The following DTD1 variants were observed in gnomAD, a reference collection of about 807,000 sequenced individuals.
DTD1 encodes D-tyrosyl-tRNA deacylase 1 homolog.
Under a neutral mutation model 25.6 loss-of-function variants are expected in DTD1, and 13 were observed. The observed-to-expected ratio is 0.51, with a 90% confidence interval of 0.33 to 0.81. The LOEUF (loss-of-function observed/expected upper bound fraction) is 0.81, where lower values mean the gene tolerates loss of function less well. DTD1 is among the 30% of genes least tolerant of loss of function. DTD1 has a pLI of 0.02. For missense variants in DTD1, 193 were observed against 266.4 expected (o/e 0.72, Z 1.92); for synonymous variants, 110 against 103.6 (o/e 1.06, Z -0.37).
At chr20:18,680,269 C>T (rs1426198499) in intron 4 of DTD1, among the ~76,000 whole-genome samples, 1 of 151,946 alleles carries the variant, frequency 6.6e-6, no homozygotes. Context: ...ACTACATCCT[C>T]GACCTCTCAG....
Position 18,593,939 on chromosome 20 carries a change from C to T in DTD1, c.134+118C>T, listed in dbSNP as rs572892016. Reference sequence around the variant, plus strand: ...CCCCTGTCACTTTTAACCATTGTCCCATTGGATGTAGTATGGTTATCTCCG... The same window carrying T: ...CCCCTGTCACTTTTAACCATTGTCCTATTGGATGTAGTATGGTTATCTCCG... On this transcript the variant is annotated intron_variant, in intron 2 of 5. Coordinates refer to ENST00000377452, the MANE Select transcript of DTD1 (RefSeq NM_080820.6). The T allele has an allele frequency of 1.0e-3, 760 of 754,696 alleles. 3 individuals carry two copies. The highest frequency in any genetic ancestry group is 1.3e-3 in the Middle Eastern group (4 of 3,196). 46.7% of individuals were successfully genotyped at this position (754,696 alleles called of 1,614,324 possible). A position where few individuals can be genotyped will look rare whatever the true frequency, so the allele number is the denominator to read the frequency against.
chr20:18,740,571 A>C (rs960749603), intron 4 of DTD1, among the ~76,000 whole-genome samples: 1 of 152,220 alleles, frequency 6.6e-6, no homozygotes, highest in Non-Finnish European at 1.5e-5. Context: ...CACCAATTTC[A>C]AGATATTTGG....
In DTD1 at chr20:18,744,208, A is replaced by G. The variant is rs1171346268; in HGVS notation, c.586A>G (p.Ser196Gly). The G allele has an allele frequency of 1.2e-6, 2 of 1,612,196 alleles. No individual in the cohort carries two copies. The highest frequency in any genetic ancestry group is 1.3e-5 in the African/African-American group (1 of 74,886). ...TCCCCGAAAAGAAGACCGCAGTGCCAGCAGCGGGGCTGAGGGCGACGTGTC... is the reference window on the plus strand; with the variant it reads ...TCCCCGAAAAGAAGACCGCAGTGCCGGCAGCGGGGCTGAGGGCGACGTGTC... ...NTPRKEDRSA[S>G]SGAEGDVSSE... The change falls in exon 5 of 6, where the codon AGC (serine) becomes GGC (glycine). Residue 196 changes from serine to glycine, a missense_variant. Transcript: ENST00000377452.
At chr20:18,708,314 T>TA (rs1467966145) in intron 4 of DTD1, among the ~76,000 whole-genome samples, 1 of 46,826 alleles carries the variant, frequency 2.1e-5, no homozygotes, top group Non-Finnish European at 4.5e-5. Context: ...ATATTTTATA[T>TA]ATATATTATA....
At chr20:18,632,351 C>T in intron 4 of DTD1, 1 of 985,388 alleles carries the variant, frequency 1.0e-6, no homozygotes, top group South Asian at 4.7e-5. Context: ...AGCCTCAGAC[C>T]CTGAACATTG....
chr20:18,719,787 T>C lies in DTD1; in HGVS notation c.478-24313T>C, dbSNP rs375561920. ...ACTTAAGACACTTACTTTTATGTAA[T>C]TCTGTGGCAAGGCATTTTTAATCAT... On this transcript the variant is annotated intron_variant, in intron 4 of 5. Coordinates refer to ENST00000377452, the MANE Select transcript of DTD1 (RefSeq NM_080820.6). 2.6e-5 allele frequency among the ~76,000 whole-genome samples: 4 copies of C among 152,242 alleles called. No individual in the cohort carries two copies. The East Asian group carries it at 7.7e-4, about 29-fold the overall frequency.
intron 4 of DTD1, among the ~76,000 whole-genome samples, chr20:18,695,917 A>G (rs894921371): frequency 6.6e-6 from 1 of 152,018 alleles, no homozygotes; most frequent in African/African-American, 2.4e-5. Context: ...GGCTCAAGAA[A>G]TTCACCTGCC....
At chr20:18,621,774 A>C (rs2060735124) in intron 3 of DTD1, among the ~76,000 whole-genome samples, 1 of 152,086 alleles carries the variant, frequency 6.6e-6, no homozygotes, top group African/African-American at 2.4e-5. Context: ...TTTTTAAAAA[A>C]ATTTTTTTGG....
intron 4 of DTD1, among the ~76,000 whole-genome samples, chr20:18,640,929 C>T (rs969818583): frequency 2.0e-5 from 3 of 152,182 alleles, no homozygotes; most frequent in Admixed American, 2.0e-4. Flanking sequence ...CTGCTCCCAG[C>T]CTATCTACAG....
intron 1 of DTD1, among the ~76,000 whole-genome samples, chr20:18,590,392 T>C (rs913735123): frequency 1.4e-5 from 2 of 142,522 alleles, no homozygotes; most frequent in Non-Finnish European, 3.2e-5. Context: ...ATTTATGTGA[T>C]TGGTCAAACA....
At chr20:18,708,242 ATAATATATATTAT>A (rs1225805590) in intron 4 of DTD1, among the ~76,000 whole-genome samples, 2 of 31,718 alleles carry the variant, frequency 6.3e-5, no homozygotes, top group Non-Finnish European at 9.5e-5. Context: ...TTATATATAT[ATAATATATATTAT>A]ATATATATTT....
chr20:18,761,492 A>G (rs1278620185), intron 5 of DTD1, among the ~76,000 whole-genome samples: 1 of 152,150 alleles, frequency 6.6e-6, no homozygotes, highest in East Asian at 1.9e-4. Context: ...CCTGTTTTTT[A>G]TCTTTTAACA....
At chr20:18,625,255 G>T (rs2060752524) in intron 3 of DTD1, among the ~76,000 whole-genome samples, 1 of 152,206 alleles carries the variant, frequency 6.6e-6, no homozygotes, top group Admixed American at 6.5e-5. Context: ...CCCTCAAACT[G>T]TGAGAAAATC....
At chr20:18,699,903 T>A (rs750559309) in intron 4 of DTD1, among the ~76,000 whole-genome samples, 5 of 152,242 alleles carry the variant, frequency 3.3e-5, no homozygotes, top group Non-Finnish European at 5.9e-5. Context: ...GTGTTAATGT[T>A]AATGATCTCA....
rs893393177 is a variant in DTD1, at chr20:18,726,900, C to G, written c.478-17200C>G. Reference sequence around the variant, plus strand: ...GGGCCAGAAAGGACTCTCCTTGGAGCTGACTTTATCTTTCCCAGAGAAGGG... The same window carrying G: ...GGGCCAGAAAGGACTCTCCTTGGAGGTGACTTTATCTTTCCCAGAGAAGGG... On this transcript the variant is annotated intron_variant, in intron 4 of 5. Transcript: ENST00000377452. Among the ~76,000 whole-genome samples the G allele has an allele frequency of 1.3e-3, 176 of 133,916 alleles. 1 individual carries two copies. The highest frequency in any genetic ancestry group is 9.9e-4 in the Non-Finnish European group (57 of 57,708). 87.9% of individuals were successfully genotyped at this position (133,916 alleles called of 152,430 possible).
At position 18,596,166 on chromosome 20, in the gene DTD1, A is replaced by G; in HGVS notation, c.295A>G (p.Thr99Ala). 7 of 1,614,192 alleles carry G rather than the reference A, an allele frequency of 4.3e-6. No individual in the cohort carries two copies. The highest frequency in any genetic ancestry group is 5.9e-6 in the Non-Finnish European group (7 of 1,180,034). Residue 99 changes from threonine (T) to alanine (A), a missense_variant, in exon 3 of 6, where the codon ACG (threonine) becomes GCG (alanine). Transcript: ENST00000377452. ...GCCTGATTTCCACCTAGCAATGCCC[A>G]CGGAGCAGGCAGAGGGCTTCTACAA... ...NKPDFHLAMP[T>A]EQAEGFYNSF...
chr20:18,588,923 C>T, intron 1 of DTD1: 1 of 947,652 alleles, frequency 1.1e-6, no homozygotes, highest in Non-Finnish European at 1.3e-6. Flanking sequence ...AAATGACAAG[C>T]TTTATATTGT....
chr20:18,626,783 A>G (rs1301175298), intron 3 of DTD1, among the ~76,000 whole-genome samples: 2 of 152,238 alleles, frequency 1.3e-5, no homozygotes, highest in Non-Finnish European at 2.9e-5. Flanking sequence ...AAAAGAAAAT[A>G]AATTTCTCAC....
At chr20:18,628,786 C>T in intron 4 of DTD1, among the ~76,000 whole-genome samples, 1 of 152,180 alleles carries the variant, frequency 6.6e-6, no homozygotes, top group East Asian at 1.9e-4. Flanking sequence ...AGATGCTTAG[C>T]ATACTTGTAA....
Sources: allele counts gnomAD v4.1 joint callset (sites outside exome capture counted in the v4.1 genomes callset), GRCh38; gene constraint gnomAD v4.1.1; transcripts MANE v1.5; gene names NCBI Gene and HGNC (gene_info 2026-07-23, HGNC 2026-07-21).